Variants in EMID1 observed in about 807,000 individuals in gnomAD.
The protein encoded by EMID1 is EMI domain-containing protein 1.
Under a neutral mutation model 60.6 loss-of-function variants are expected in EMID1, and 40 were observed. The observed-to-expected ratio is 0.66, with a 90% CI of 0.51 to 0.86. EMID1 has a LOEUF of 0.86. Among genes scored for constraint, EMID1 ranks in the 40% least tolerant of loss-of-function variants. EMID1 has a pLI of 0.00. For synonymous variants in EMID1, 242 were observed against 231.0 expected, an observed-to-expected ratio of 1.05 and a Z score of -0.43; for missense variants, 585 against 597.1, an observed-to-expected ratio of 0.98 and a Z score of 0.21.
intron 13 of EMID1, among the ~76,000 whole-genome samples, chr22:29,249,922 T>G (rs528348864): frequency 1.3e-4 from 19 of 151,428 alleles, no homozygotes; most frequent in African/African-American, 3.6e-4. Context: ...GCCCCCAAAA[T>G]GCCTTTTAAA....
chr22:29,225,302 A>T, intron 4 of EMID1, 86 bp downstream of exon 4: 1 of 1,385,740 alleles, frequency 7.2e-7, no homozygotes. Context: ...CTGTCCTAAA[A>T]GCCAGTAGGT....
chr22:29,247,680 G>A (rs1156549343), intron 13 of EMID1, among the ~76,000 whole-genome samples: 1 of 152,190 alleles, frequency 6.6e-6, no homozygotes. Flanking sequence ...GCCCAGGGTG[G>A]AGTGCAGTGG....
intron 14 of EMID1, among the ~76,000 whole-genome samples, chr22:29,256,463 C>CAAAA (rs774829201): frequency 1.9e-5 from 1 of 52,762 alleles, no homozygotes; most frequent in Non-Finnish European, 4.4e-5. Context: ...GACTCCATCT[C>CAAAA]AAAAAAAAAA....
At chr22:29,206,387 G>C (rs911387716) in intron 1 of EMID1, among the ~76,000 whole-genome samples, 1 of 152,210 alleles carries the variant, frequency 6.6e-6, no homozygotes, top group Admixed American at 6.5e-5. Flanking sequence ...GGGGGAAGGG[G>C]CGCAACGAGG....
chr22:29,231,424 G>A (rs1307894436), intron 6 of EMID1, 169 bp from the exon 7 acceptor site: 1 of 836,778 alleles, frequency 1.2e-6, no homozygotes, highest in Non-Finnish European at 2.0e-6. Context: ...GGCCCAGCAG[G>A]GACACTGACC....
In EMID1 at chr22:29,259,244, C is replaced by T; in HGVS notation, c.*300C>T. On this transcript the variant is annotated 3_prime_UTR_variant, in exon 15 of 15. Transcript: ENST00000334018. ...CATCTGCTGTCTGAGCATCCAGGCC[C>T]AAAGGCACTGAGGGAGTCAGGAGCT... 1 of 401,660 alleles carries T rather than the reference C, an allele frequency of 2.5e-6. No individual in the cohort carries two copies. Among genetic ancestry groups the T allele is most frequent in the Non-Finnish European group, 4.5e-6 (1 of 224,248 alleles). 24.9% of individuals were successfully genotyped at this position (401,660 alleles called of 1,614,324 possible). A position where few individuals can be genotyped will look rare whatever the true frequency, so the allele number is the denominator to read the frequency against.
chr22:29,222,690 C>T (rs2040344157), intron 3 of EMID1, among the ~76,000 whole-genome samples: 1 of 152,200 alleles, frequency 6.6e-6, no homozygotes, highest in Non-Finnish European at 1.5e-5. Flanking sequence ...AGGCGTGAGC[C>T]ACTGTGCCTG....
intron 1 of EMID1, among the ~76,000 whole-genome samples, chr22:29,206,684 T>G (rs922827099): frequency 4.6e-5 from 7 of 152,142 alleles, no homozygotes; most frequent in African/African-American, 1.7e-4. Context: ...CAGTCTTCCT[T>G]CTGCTCTCCT....
intron 3 of EMID1, chr22:29,216,209 T>C (rs2040077273): frequency 1.4e-6 from 1 of 690,292 alleles, no homozygotes; most frequent in Non-Finnish European, 1.8e-6. Context: ...CTTCACTGTG[T>C]GTACCTCTGG....
intron 8 of EMID1, 86 bp from the exon 9 acceptor site, chr22:29,233,293 C>A: frequency 2.0e-6 from 3 of 1,470,204 alleles, no homozygotes; most frequent in Non-Finnish European, 2.9e-6. Context: ...ATAGGGCAGT[C>A]CAAGCTGTCT....
At chr22:29,249,939 T>C (rs1157451017) in intron 13 of EMID1, among the ~76,000 whole-genome samples, 1 of 152,124 alleles carries the variant, frequency 6.6e-6, no homozygotes, top group Non-Finnish European at 1.5e-5. Context: ...TAAAGCTCTT[T>C]TTTTCCAAAG....
chr22:29,220,215 A>G (rs1020841122), intron 3 of EMID1, among the ~76,000 whole-genome samples: 2 of 152,070 alleles, frequency 1.3e-5, no homozygotes, highest in Non-Finnish European at 2.9e-5. Flanking sequence ...CCTGCAACCC[A>G]CTGGGTGCTC....
intron 3 of EMID1, among the ~76,000 whole-genome samples, chr22:29,217,315 G>A (rs1421031715): frequency 6.6e-6 from 1 of 152,262 alleles, no homozygotes; most frequent in African/African-American, 2.4e-5. Context: ...TGATGCTAAG[G>A]CAGGGGCATG....
rs115651589 is a variant in EMID1 at position 29,213,488 on chromosome 22, A to G, written c.102-1438A>G. Among the ~76,000 whole-genome samples the G allele has an allele frequency of 1.0e-2, 1,520 of 152,244 alleles. 35 individuals are homozygous for G. Among genetic ancestry groups the G allele is most frequent in the African/African-American group, 0.035 (1,472 of 41,544 alleles). Reference sequence around the variant, plus strand: ...TGGTGTGGCACAGAAAGATGAAGGGAATTCCACAGGGCCCTAAATTGAGTT... The same window carrying G: ...TGGTGTGGCACAGAAAGATGAAGGGGATTCCACAGGGCCCTAAATTGAGTT... On this transcript the variant is annotated intron_variant, in intron 1 of 14. Transcript: ENST00000334018.
intron 3 of EMID1, among the ~76,000 whole-genome samples, chr22:29,221,066 CGTGT>C (rs59651061): frequency 0.062 from 6,177 of 99,602 alleles, 280 homozygotes; most frequent in Admixed American, 0.088. Context: ...GGGGTGGGAA[CGTGT>C]GTGTGTGTGT....
At chr22:29,241,989 C>T (rs1313271218) in intron 12 of EMID1, among the ~76,000 whole-genome samples, 2 of 152,170 alleles carry the variant, frequency 1.3e-5, no homozygotes, top group African/African-American at 2.4e-5. Flanking sequence ...CAGCTCACTG[C>T]AGTCTTGAGC....
At chr22:29,231,559 TG>T in intron 6 of EMID1, 33 bp from the exon 7 acceptor site, 1 of 1,546,830 alleles carries the variant, frequency 6.5e-7, no homozygotes, top group East Asian at 2.4e-5. Flanking sequence ...AGAGCAGATG[TG>T]GAGCTGCCAG....
At chr22:29,245,675 T>G (rs1213658920) in intron 13 of EMID1, among the ~76,000 whole-genome samples, 1 of 152,200 alleles carries the variant, frequency 6.6e-6, no homozygotes, top group African/African-American at 2.4e-5. Flanking sequence ...ACTCCCTTAG[T>G]GCAGCTTGCA....
At chr22:29,249,386 G>A (rs5763099) in intron 13 of EMID1, among the ~76,000 whole-genome samples, 87,475 of 151,208 alleles carry the variant, frequency 0.58, 25,500 homozygotes, top group Middle Eastern at 0.64. Flanking sequence ...CCTGCCTCCA[G>A]TTCTTGAGTA....
Sources: gnomAD v4.1 joint callset for allele counts (sites outside exome capture counted in the v4.1 genomes callset) on GRCh38, gnomAD v4.1.1 for gene constraint, MANE v1.5 for transcripts, NCBI Gene and HGNC (gene_info 2026-07-23, HGNC 2026-07-21) for gene names.